SCFD2: variants seen among roughly 807,000 people sequenced by gnomAD.
SCFD2 encodes the protein sec1 family domain containing 2, also known as sec1 family domain-containing protein 2.
Under a neutral mutation model 58.9 loss-of-function variants are expected in SCFD2, and 54 were observed. The ratio of observed to expected loss-of-function variants is 0.92; its 90% CI spans 0.74 to 1.15. The LOEUF (loss-of-function observed/expected upper bound fraction) is 1.15, where lower values mean the gene tolerates loss of function less well. Ranked by LOEUF, SCFD2 falls within the 50% of genes most tolerant of loss-of-function variation. The pLI is 0.00. For synonymous variants in SCFD2, 321 were observed against 335.9 expected, an observed-to-expected ratio of 0.96 and a Z score of 0.49; for missense variants, 805 against 836.6, an observed-to-expected ratio of 0.96 and a Z score of 0.47.
At chr4:52,931,075 C>A (rs78026566) in intron 5 of SCFD2, among the ~76,000 whole-genome samples, 1 of 152,276 alleles carries the variant, frequency 6.6e-6, no homozygotes, top group East Asian at 1.9e-4. Flanking sequence ...GAAGGCAGCA[C>A]ACAGGCTCCT....
chr4:53,324,771 A>C (rs1266733399), intron 2 of SCFD2, among the ~76,000 whole-genome samples: 2 of 152,194 alleles, frequency 1.3e-5, no homozygotes, highest in Non-Finnish European at 2.9e-5. Flanking sequence ...AGAGCCCAGC[A>C]GAGGGAAGAG....
intron 2 of SCFD2, among the ~76,000 whole-genome samples, chr4:53,332,533 G>A (rs1733516786): frequency 6.6e-6 from 1 of 152,182 alleles, no homozygotes; most frequent in African/African-American, 2.4e-5. Flanking sequence ...AAATGCCTTT[G>A]ACAAAATTCA....
intron 4 of SCFD2, among the ~76,000 whole-genome samples, chr4:53,215,543 G>C (rs1728793431): frequency 1.3e-5 from 2 of 152,074 alleles, no homozygotes; most frequent in African/African-American, 4.8e-5. Context: ...AGGAGATTTT[G>C]GGCTGAGATG....
Position 52,971,751 on chromosome 4 carries a change from C to A in SCFD2, c.1562-50881G>T, listed in dbSNP as rs1311479057. ...AAGTTGAAATGAAGGAAAAAATGTT[C>A]AGGGCAGCCAGAGAGAAAGGTCGGG... On this transcript the variant is annotated intron_variant, in intron 5 of 8. Transcript: ENST00000401642. Among the ~76,000 whole-genome samples the A allele has an allele frequency of 2.6e-4, 40 of 152,064 alleles. 1 individual carries two copies. The Middle Eastern group carries it at 0.01, about 39-fold the overall frequency.
intron 7 of SCFD2, among the ~76,000 whole-genome samples, chr4:52,903,026 C>T (rs1257039938): frequency 2.6e-5 from 4 of 152,200 alleles, no homozygotes; most frequent in Non-Finnish European, 5.9e-5. Flanking sequence ...AGCCTCAAAT[C>T]TCCCTTTGTG....
intron 4 of SCFD2, among the ~76,000 whole-genome samples, chr4:53,149,810 G>T (rs915074581): frequency 2.0e-5 from 3 of 152,042 alleles, no homozygotes; most frequent in African/African-American, 7.2e-5. Context: ...AAAAACATCA[G>T]AAAAATCCCA....
chr4:53,216,749 T>G (rs1046942403), intron 4 of SCFD2, among the ~76,000 whole-genome samples: 6 of 152,202 alleles, frequency 3.9e-5, no homozygotes, highest in Non-Finnish European at 8.8e-5. Flanking sequence ...AGGGTGTCAA[T>G]TTTAGATCTT....
At chr4:53,331,153 T>A (rs1409995908) in intron 2 of SCFD2, among the ~76,000 whole-genome samples, 8 of 151,458 alleles carry the variant, frequency 5.3e-5, no homozygotes, top group Non-Finnish European at 1.0e-4. Context: ...AATGGGAGAC[T>A]GTAACACCCC....
chr4:53,262,256 T>G (rs983160728), intron 4 of SCFD2, among the ~76,000 whole-genome samples: 1 of 152,208 alleles, frequency 6.6e-6, no homozygotes, highest in Non-Finnish European at 1.5e-5. Context: ...TCATTCAATG[T>G]TAGTATTAAG....
chr4:53,182,970 T>A (rs1727622518), intron 4 of SCFD2, among the ~76,000 whole-genome samples: 1 of 152,112 alleles, frequency 6.6e-6, no homozygotes, highest in Non-Finnish European at 1.5e-5. Flanking sequence ...ACACCCCAGT[T>A]AGAATGGCGA....
chr4:53,299,592 G>C (rs190827846), intron 3 of SCFD2, among the ~76,000 whole-genome samples: 1 of 151,770 alleles, frequency 6.6e-6, no homozygotes, highest in Admixed American at 6.6e-5. Flanking sequence ...AGGAAATACA[G>C]AGAATACCAC....
At chr4:53,230,233 A>C (rs1729389236) in intron 4 of SCFD2, among the ~76,000 whole-genome samples, 1 of 152,188 alleles carries the variant, frequency 6.6e-6, no homozygotes, top group African/African-American at 2.4e-5. Flanking sequence ...AGGGATCTAG[A>C]ACTAGAAATA....
At chr4:53,000,250 G>T (rs1427080628) in intron 5 of SCFD2, among the ~76,000 whole-genome samples, 1 of 152,180 alleles carries the variant, frequency 6.6e-6, no homozygotes, top group Non-Finnish European at 1.5e-5. Context: ...CCATTAGGTG[G>T]CCAGGTGATG....
intron 5 of SCFD2, among the ~76,000 whole-genome samples, chr4:53,070,513 T>C (rs1723785100): frequency 6.6e-6 from 1 of 152,104 alleles, no homozygotes; most frequent in Non-Finnish European, 1.5e-5. Context: ...TTAGGAATCA[T>C]TTAAGTAATA....
chr4:53,140,076 G>C (rs1015328768), intron 5 of SCFD2, among the ~76,000 whole-genome samples: 9 of 151,652 alleles, frequency 5.9e-5, no homozygotes, highest in South Asian at 4.2e-4. Context: ...TGCGGAAGGC[G>C]GCAGGGCCCT....
intron 1 of SCFD2, among the ~76,000 whole-genome samples, chr4:53,353,357 C>T (rs148015222): frequency 6.6e-6 from 1 of 152,194 alleles, no homozygotes; most frequent in South Asian, 2.1e-4. Flanking sequence ...ATGAGTGTTA[C>T]AGCTCATAAA....
intron 5 of SCFD2, among the ~76,000 whole-genome samples, chr4:52,953,569 C>T (rs752171674): frequency 6.6e-5 from 10 of 152,144 alleles, no homozygotes; most frequent in South Asian, 4.1e-4. Context: ...TCTTTAGCAG[C>T]GCCCTGTGAA....
intron 5 of SCFD2, among the ~76,000 whole-genome samples, chr4:53,037,885 A>T (rs569582385): frequency 2.6e-5 from 4 of 152,332 alleles, no homozygotes; most frequent in African/African-American, 9.6e-5. Flanking sequence ...ATCTATTGAT[A>T]AACATGACAA....
At chr4:52,925,990 C>T (rs1473005517) in intron 5 of SCFD2, among the ~76,000 whole-genome samples, 1 of 152,150 alleles carries the variant, frequency 6.6e-6, no homozygotes, top group Non-Finnish European at 1.5e-5. Flanking sequence ...CCTCACTCTT[C>T]TCCATTTACT....
Sources: allele counts gnomAD v4.1 joint callset (sites outside exome capture counted in the v4.1 genomes callset), GRCh38; gene constraint gnomAD v4.1.1; transcripts MANE v1.5; gene names NCBI Gene and HGNC (gene_info 2026-07-23, HGNC 2026-07-21).